ACSM2B: variants seen among roughly 807,000 people sequenced by gnomAD.
ACSM2B encodes acyl-CoA synthetase medium chain family member 2B.
A neutral mutation model predicts 78.6 loss-of-function variants in ACSM2B; 58 were observed. That is an observed-to-expected ratio of 0.74 (90% CI 0.60 to 0.92). ACSM2B has a LOEUF of 0.92. Among genes scored for constraint, ACSM2B ranks in the 40% least tolerant of loss-of-function variants. ACSM2B has a pLI of 0.00. For synonymous variants in ACSM2B, 257 were observed against 256.8 expected, an observed-to-expected ratio of 1.00 and a Z score of -0.01; for missense variants, 688 against 711.2, an observed-to-expected ratio of 0.97 and a Z score of 0.37.
intron 13 of ACSM2B, among the ~76,000 whole-genome samples, chr16:20,540,312 G>A (rs539085874): frequency 2.0e-5 from 3 of 148,832 alleles, no homozygotes; most frequent in South Asian, 2.1e-4. Flanking sequence ...GCATGATCTC[G>A]GCTCACTGTA....
rs1209887214 is a variant in ACSM2B at position 20,546,291 on chromosome 16, C to T, written c.1179+103G>A. 2.9e-5 allele frequency: 42 copies of T among 1,473,560 alleles called. No homozygotes were observed. The East Asian group carries it at 6.7e-4, about 24-fold the overall frequency. The allele number at this position is 1,473,560 out of a possible 1,614,324, so 91.3% of individuals were successfully genotyped here. On this transcript the variant is annotated intron_variant, in intron 9 of 13. Coordinates refer to ENST00000329697, the MANE Select transcript of ACSM2B (RefSeq NM_001105069.2). ...CTTTTTTCTGATATTATCTTAATAT[C>T]AGTACTTTCTATTATTTTTGACTCA...
intron 1 of ACSM2B, among the ~76,000 whole-genome samples, chr16:20,569,399 CTCTAT>C (rs1383010292): frequency 6.6e-6 from 1 of 151,774 alleles, no homozygotes; most frequent in African/African-American, 2.4e-5. Flanking sequence ...TTTCTGGGTT[CTCTAT>C]TCTGTTCCTT....
rs1199387360 is a variant in ACSM2B at position 20,540,213 on chromosome 16, GTTTTTTTTTTGTT to G, written c.1629+428_1629+440del. ...GGCTTTCTTGAGCATAGGAAGAGTTGTTTTTTTTTTGTTTTTTTTTTTTGTTTGTTTGTTTGGT... is the reference window on the plus strand; with the variant it reads ...GGCTTTCTTGAGCATAGGAAGAGTTGTTTTTTTTTTGTTTGTTTGTTTGGT... On this transcript the variant is annotated intron_variant, in intron 13 of 13. Transcript: ENST00000329697. Among the ~76,000 whole-genome samples, 49 of 76,736 alleles carry G rather than the reference GTTTTTTTTTTGTT, an allele frequency of 6.4e-4. No homozygotes were observed. In the East Asian group the frequency reaches 0.013, roughly 20 times the overall value. The allele number at this position is 76,736 out of a possible 152,430, so 50.3% of individuals were successfully genotyped here.
At chr16:20,542,344 A>G (rs1043461916) in intron 12 of ACSM2B, 3 of 149,974 alleles carry the variant, frequency 2.0e-5, no homozygotes, top group African/African-American at 7.5e-5. Context: ...TTATGAGTGC[A>G]AACACGTGAT....
chr16:20,549,703 G>T lies in ACSM2B; in HGVS notation c.895-1230C>A, dbSNP rs2015244773. The T allele has an allele frequency of 9.3e-6, 4 of 429,928 alleles. No individual in the cohort carries two copies. The Admixed American group carries it at 1.0e-4, about 11-fold the overall frequency. The allele number at this position is 429,928 out of a possible 1,614,324, so 26.6% of individuals were successfully genotyped here. A position where few individuals can be genotyped will look rare whatever the true frequency, so the allele number is the denominator to read the frequency against. On this transcript the variant is annotated intron_variant, in intron 6 of 13. Coordinates refer to ENST00000329697, the MANE Select transcript of ACSM2B (RefSeq NM_001105069.2). ...GTCCTGAGAACACGTGCCCAAGGTG[G>T]TCAGGGTGCACTTTGGTTTTATACA... is the stretch of plus-strand genomic sequence containing the variant.
At chr16:20,550,443 C>T (rs1278165699) in intron 6 of ACSM2B, among the ~76,000 whole-genome samples, 2 of 152,124 alleles carry the variant, frequency 1.3e-5, no homozygotes, top group African/African-American at 4.8e-5. Flanking sequence ...CCCTACACCT[C>T]CAACCTATAT....
At position 20,554,089 on chromosome 16, in the gene ACSM2B, G is replaced by A. The variant is rs1435798012; in HGVS notation, c.597-169C>T. The A allele has an allele frequency of 6.3e-6, 7 of 1,104,844 alleles. No individual in the cohort carries two copies. The East Asian group carries it at 1.8e-4, about 29-fold the overall frequency. 68.4% of individuals were successfully genotyped at this position (1,104,844 alleles called of 1,614,324 possible). Reference sequence around the variant, plus strand: ...ATCATGGGAGCCTGAGTCAATCAGAGTTGGGTTTGAAAACTACTCAAGTTT... The same window carrying A: ...ATCATGGGAGCCTGAGTCAATCAGAATTGGGTTTGAAAACTACTCAAGTTT... On this transcript the variant is annotated intron_variant, in intron 4 of 13. Transcript: ENST00000329697.
intron 6 of ACSM2B, among the ~76,000 whole-genome samples, chr16:20,551,540 C>T (rs1260153232): frequency 6.6e-6 from 1 of 151,970 alleles, no homozygotes; most frequent in Non-Finnish European, 1.5e-5. Flanking sequence ...TATGCTGGCA[C>T]CCTGATCTCA....
chr16:20,570,638 ATTC>A (rs1346085916), intron 1 of ACSM2B, among the ~76,000 whole-genome samples: 1 of 151,718 alleles, frequency 6.6e-6, no homozygotes, highest in African/African-American at 2.4e-5. Context: ...ATTGGTACCA[ATTC>A]TTCTTTGAAT....
intron 2 of ACSM2B, among the ~76,000 whole-genome samples, chr16:20,563,333 T>C (rs1180044569): frequency 6.6e-6 from 1 of 152,196 alleles, no homozygotes; most frequent in African/African-American, 2.4e-5. Flanking sequence ...GGTTTTATAA[T>C]GAATTGCACC....
At chr16:20,566,676 C>CTAT (rs1435556712) in intron 1 of ACSM2B, among the ~76,000 whole-genome samples, 703 of 5,478 alleles carry the variant, frequency 0.13, 44 homozygotes, top group South Asian at 0.16. Context: ...ATAGTATATA[C>CTAT]ATATAGTATA....
Position 20,543,185 on chromosome 16 carries a change from AT to A in ACSM2B, c.1358del (p.Asp453ValfsTer26), listed in dbSNP as rs1222648085. The A allele has an allele frequency of 6.2e-7, 1 of 1,613,678 alleles. No individual in the cohort carries two copies. The highest frequency in any genetic ancestry group is 1.3e-5 in the African/African-American group (1 of 74,740). On this transcript the variant is annotated frameshift_variant, in exon 11 of 14. Transcript: ENST00000329697. LOFTEE classifies it high-confidence loss of function. Reference protein sequence around the residue: ...LLGDRGIKDEDGYFQFMGRAD... With the variant: ...LLGDRGIKDEXGYFQFMGRAD... ...CCCGTCCCATAAACTGGAAATACCC[AT>A]CTTCATCTTTGATTCCCCGGTCTCC... is the stretch of plus-strand genomic sequence containing the variant.
intron 10 of ACSM2B, chr16:20,544,662 T>A (rs1353504559): frequency 1.0e-6 from 1 of 984,684 alleles, no homozygotes; most frequent in East Asian, 1.1e-4. Context: ...GGCTCCACCA[T>A]CCTCACCTGT....
At chr16:20,571,520 A>T (rs891540373) in intron 1 of ACSM2B, among the ~76,000 whole-genome samples, 19 of 150,900 alleles carry the variant, frequency 1.3e-4, no homozygotes, top group Non-Finnish European at 2.5e-4. Context: ...AGTTCCATGC[A>T]CTGATGAATA....
chr16:20,542,917 T>C lies in ACSM2B; in HGVS notation c.1506A>G (p.Gly502=). The change falls in exon 12 of 14, where the codon GGA becomes GGG. Residue 502 remains glycine, a synonymous_variant. Coordinates refer to ENST00000329697, the MANE Select transcript of ACSM2B (RefSeq NM_001105069.2). ...AVISSPDPVR[G]EVVKAFVILA... Reference sequence around the variant, plus strand: ...CAGGCTACTGCTTCCCCATCACCTCTCCTCGGACGGGGTCTGGGCTGCTGA... The same window carrying C: ...CAGGCTACTGCTTCCCCATCACCTCCCCTCGGACGGGGTCTGGGCTGCTGA... 1 of 1,613,674 alleles carries C rather than the reference T, an allele frequency of 6.2e-7. No homozygotes were observed. The highest frequency in any genetic ancestry group is 8.5e-7 in the Non-Finnish European group (1 of 1,179,842).
chr16:20,566,470 ATAT>A lies in ACSM2B; in HGVS notation c.-8-1620_-8-1618del, dbSNP rs533820792. Among the ~76,000 whole-genome samples, 724 of 121,608 alleles carry A rather than the reference ATAT, an allele frequency of 6.0e-3. 2 individuals are homozygous for A. Among genetic ancestry groups the A allele is most frequent in the Middle Eastern group, 0.016 (4 of 246 alleles). The allele number at this position is 121,608 out of a possible 152,430, so 79.8% of individuals were successfully genotyped here. ...AACATATTATATAATATATAATGTAATATTATATATTATATAATAATACATATA... is the reference window on the plus strand; with the variant it reads ...AACATATTATATAATATATAATGTAATATATATTATATAATAATACATATA... On this transcript the variant is annotated intron_variant, in intron 1 of 13. Coordinates refer to ENST00000329697, the MANE Select transcript of ACSM2B (RefSeq NM_001105069.2).
intron 1 of ACSM2B, among the ~76,000 whole-genome samples, chr16:20,575,957 C>A (rs2016237925): frequency 6.6e-6 from 1 of 151,372 alleles, no homozygotes; most frequent in Admixed American, 6.6e-5. Context: ...TGACCACCAC[C>A]CAACTACCAG....
At chr16:20,547,092 G>T (rs2152134510) in intron 8 of ACSM2B, 1 of 975,050 alleles carries the variant, frequency 1.0e-6, no homozygotes, top group South Asian at 3.8e-5. Context: ...CATTTTCTCA[G>T]ATCTAGCCTG....
chr16:20,568,294 A>G (rs959445971), intron 1 of ACSM2B, among the ~76,000 whole-genome samples: 4 of 145,060 alleles, frequency 2.8e-5, no homozygotes, highest in African/African-American at 9.9e-5. Context: ...TATATATAAA[A>G]TATATACATA....
Sources: gnomAD v4.1 joint callset for allele counts (sites outside exome capture counted in the v4.1 genomes callset) on GRCh38, gnomAD v4.1.1 for gene constraint, MANE v1.5 for transcripts, NCBI Gene and HGNC (gene_info 2026-07-23, HGNC 2026-07-21) for gene names.